Variants in GALNT13 observed in about 807,000 individuals in gnomAD.
GALNT13 encodes the protein polypeptide N-acetylgalactosaminyltransferase 13.
In GALNT13, 28 loss-of-function variants were observed where a neutral mutation model predicts 64.2. That is an observed-to-expected ratio of 0.44 (90% CI 0.32 to 0.60). GALNT13 has a LOEUF of 0.60. GALNT13 is among the 20% of genes least tolerant of loss of function. The pLI is 0.05. For missense variants in GALNT13, 577 were observed against 669.8 expected, an observed-to-expected ratio of 0.86 and a Z score of 1.53; for synonymous variants, 214 against 224.6, an observed-to-expected ratio of 0.95 and a Z score of 0.42.
chr2:154,204,288 G>A (rs917526352), intron 4 of GALNT13, among the ~76,000 whole-genome samples: 1 of 151,994 alleles, frequency 6.6e-6, no homozygotes, highest in Non-Finnish European at 1.5e-5. Flanking sequence ...TTTTTTAATT[G>A]TATAGTGATT....
intron 2 of GALNT13, among the ~76,000 whole-genome samples, chr2:153,940,105 C>A (rs1179926439): frequency 4.6e-5 from 7 of 151,948 alleles, no homozygotes; most frequent in Non-Finnish European, 8.8e-5. Flanking sequence ...TTTATTGCTT[C>A]TCTTCTACCA....
At chr2:153,881,259 A>G (rs974146600) in intron 1 of GALNT13, among the ~76,000 whole-genome samples, 2 of 152,180 alleles carry the variant, frequency 1.3e-5, no homozygotes, top group Non-Finnish European at 2.9e-5. Flanking sequence ...TTTTAAAAAT[A>G]AAACAACCAA....
chr2:154,097,973 A>C (rs1702154892), intron 3 of GALNT13, among the ~76,000 whole-genome samples: 1 of 150,994 alleles, frequency 6.6e-6, no homozygotes, highest in Non-Finnish European at 1.5e-5. Context: ...GCTCAGAGGG[A>C]GTCACAGCTA....
the GALNT13 span, among the ~76,000 whole-genome samples, chr2:153,274,466 G>C: frequency 6.6e-6 from 1 of 152,292 alleles, no homozygotes; most frequent in African/African-American, 2.4e-5. Flanking sequence ...AGGAGAAGGA[G>C]ATACTTGTAG....
At chr2:153,314,833 C>G in the GALNT13 span, among the ~76,000 whole-genome samples, 1 of 151,290 alleles carries the variant, frequency 6.6e-6, no homozygotes, top group Non-Finnish European at 1.5e-5. Context: ...AAGGTCTTGT[C>G]AGTAACCTAA....
chr2:154,046,570 A>G (rs1574405270), intron 3 of GALNT13, among the ~76,000 whole-genome samples: 3 of 152,258 alleles, frequency 2.0e-5, no homozygotes, highest in South Asian at 4.1e-4. Flanking sequence ...TATCCTTGCT[A>G]TATGCTGTGG....
intron 4 of GALNT13, chr2:154,236,047 T>C (rs1225715134): frequency 4.0e-6 from 5 of 1,247,260 alleles, no homozygotes; most frequent in Non-Finnish European, 4.2e-6. Context: ...AATCAACAGC[T>C]AATAGACCAT....
At chr2:153,227,333 G>A in the GALNT13 span, among the ~76,000 whole-genome samples, 1 of 152,148 alleles carries the variant, frequency 6.6e-6, no homozygotes, top group Non-Finnish European at 1.5e-5. Context: ...GAAATTTGTA[G>A]GGCCAATGTA....
At chr2:153,440,207 T>G in the GALNT13 span, among the ~76,000 whole-genome samples, 25 of 152,102 alleles carry the variant, frequency 1.6e-4, no homozygotes, top group Non-Finnish European at 4.4e-5. Context: ...ATTGTTTTGT[T>G]TTCTGTTCCT....
At chr2:153,569,707 TTTAG>T in the GALNT13 span, among the ~76,000 whole-genome samples, 1,356 of 152,216 alleles carry the variant, frequency 8.9e-3, 18 homozygotes, top group African/African-American at 0.03. Flanking sequence ...ATATCATTCC[TTTAG>T]TTATTTTAAA....
rs548345118 is a variant in GALNT13, at chr2:153,995,816, C to G, written c.142+51177C>G. Among the ~76,000 whole-genome samples, 3 of 152,116 alleles carry G rather than the reference C, an allele frequency of 2.0e-5. No homozygotes were observed. The East Asian group carries it at 5.8e-4, about 29-fold the overall frequency. ...TTTGATAAACCAACCTCTACCCTAC[C>G]ACTCCCACCTTCTCCCTTACCTCTT... is the stretch of plus-strand genomic sequence containing the variant. On this transcript the variant is annotated intron_variant, in intron 3 of 12. Coordinates refer to ENST00000392825, the MANE Select transcript of GALNT13 (RefSeq NM_052917.4).
At chr2:153,243,904 G>T in the GALNT13 span, among the ~76,000 whole-genome samples, 1 of 151,932 alleles carries the variant, frequency 6.6e-6, no homozygotes, top group Non-Finnish European at 1.5e-5. Context: ...ATTGTATAGG[G>T]TTCTAAAAGA....
the GALNT13 span, among the ~76,000 whole-genome samples, chr2:153,271,028 C>A: frequency 6.6e-6 from 1 of 152,106 alleles, no homozygotes; most frequent in African/African-American, 2.4e-5. Context: ...ACATAATTAT[C>A]TCAATAGATG....
At chr2:153,390,015 T>C in the GALNT13 span, among the ~76,000 whole-genome samples, 1 of 152,162 alleles carries the variant, frequency 6.6e-6, no homozygotes, top group Non-Finnish European at 1.5e-5. Flanking sequence ...TGCACACGTA[T>C]GTTTATTGTG....
chr2:153,427,842 ATTTCC>A, the GALNT13 span, among the ~76,000 whole-genome samples: 1 of 151,910 alleles, frequency 6.6e-6, no homozygotes. Flanking sequence ...ATAGTTTTTT[ATTTCC>A]TTTCCCAGCT....
intron 4 of GALNT13, among the ~76,000 whole-genome samples, chr2:154,184,980 G>A (rs1686173426): frequency 6.6e-6 from 1 of 151,910 alleles, no homozygotes; most frequent in Non-Finnish European, 1.5e-5. Flanking sequence ...TTTTGATGTT[G>A]GTAATTAGTA....
the GALNT13 span, among the ~76,000 whole-genome samples, chr2:153,692,365 AC>A: frequency 6.6e-6 from 1 of 152,208 alleles, no homozygotes; most frequent in Non-Finnish European, 1.5e-5. Flanking sequence ...ATTTAAAAAA[AC>A]AATAATGAAT....
At chr2:154,441,873 A>G (rs555820254) in intron 12 of GALNT13, 2 of 152,224 alleles carry the variant, frequency 1.3e-5, no homozygotes, top group South Asian at 2.1e-4. Context: ...TTCTCATGCA[A>G]TTCTTACAAT....
intron 4 of GALNT13, among the ~76,000 whole-genome samples, chr2:154,180,584 C>A (rs1685905270): frequency 6.6e-6 from 1 of 151,870 alleles, no homozygotes; most frequent in African/African-American, 2.4e-5. Context: ...TTTTAAAAAT[C>A]CACAACCATG....
Sources: gnomAD v4.1 joint callset for allele counts (sites outside exome capture counted in the v4.1 genomes callset) on GRCh38, gnomAD v4.1.1 for gene constraint, MANE v1.5 for transcripts, NCBI Gene and HGNC (gene_info 2026-07-23, HGNC 2026-07-21) for gene names.